The following PEPD variants were observed in gnomAD, a reference collection of about 807,000 sequenced individuals.
PEPD encodes xaa-Pro dipeptidase.
Under a neutral mutation model 60.7 loss-of-function variants are expected in PEPD, and 53 were observed. The ratio of observed to expected loss-of-function variants is 0.87; its 90% confidence interval spans 0.70 to 1.10. The LOEUF (loss-of-function observed/expected upper bound fraction) is 1.10, where lower values mean the gene tolerates loss of function less well. PEPD is among the 50% of genes least tolerant of loss of function. The probability of loss-of-function intolerance (pLI) is 0.00; values close to 1 mark genes in which losing one functional copy is unlikely to be tolerated. For missense variants in PEPD, 711 were observed against 711.9 expected, an observed-to-expected ratio of 1.00 and a Z score of 0.01; for synonymous variants, 267 against 284.1, an observed-to-expected ratio of 0.94 and a Z score of 0.60.
chr19:33,515,649 T>C (rs532329537), intron 1 of PEPD, among the ~76,000 whole-genome samples: 1 of 151,146 alleles, frequency 6.6e-6, no homozygotes, highest in Non-Finnish European at 1.5e-5. Context: ...CCCAACAGCT[T>C]AGGGGCAATG....
intron 6 of PEPD, among the ~76,000 whole-genome samples, chr19:33,486,633 G>A (rs1257651100): frequency 2.0e-5 from 3 of 152,158 alleles, no homozygotes; most frequent in African/African-American, 7.2e-5. Context: ...CACTCTTACT[G>A]CAGGCAGCAG....
intron 9 of PEPD, among the ~76,000 whole-genome samples, chr19:33,418,239 T>TGACGCAGC (rs1233019927): frequency 6.6e-6 from 1 of 152,262 alleles, no homozygotes; most frequent in Non-Finnish European, 1.5e-5. Context: ...ATTGCTGCGA[T>TGACGCAGC]ATTTTCTGGG....
chr19:33,492,666 C>A (rs146734022), intron 5 of PEPD, among the ~76,000 whole-genome samples: 12 of 152,286 alleles, frequency 7.9e-5, no homozygotes, highest in African/African-American at 2.6e-4. Flanking sequence ...ACCCATTAAA[C>A]TGACTTTCTA....
chr19:33,447,655 T>C (rs984640418), intron 9 of PEPD, among the ~76,000 whole-genome samples: 5 of 152,194 alleles, frequency 3.3e-5, no homozygotes, highest in African/African-American at 1.2e-4. Flanking sequence ...CAGAGGGAGC[T>C]GCGAGAGGAC....
In PEPD at chr19:33,401,875, G is replaced by T; in HGVS notation, c.819-6C>A. The T allele has an allele frequency of 6.2e-7, 1 of 1,612,788 alleles. No homozygotes were observed. The highest frequency in any genetic ancestry group is 8.5e-7 in the Non-Finnish European group (1 of 1,179,814). ...CACCGCCCATGTCGAACAGGCTGCG[G>T]AGAGAGGAAGGCAGGGCAAGTGGGT... On this transcript the variant is annotated splice_polypyrimidine_tract_variant and splice_region_variant and intron_variant, in intron 11 of 14. Coordinates refer to ENST00000244137, the MANE Select transcript of PEPD (RefSeq NM_000285.4).
chr19:33,519,755 C>T (rs55646747), intron 1 of PEPD, among the ~76,000 whole-genome samples: 3 of 152,128 alleles, frequency 2.0e-5, no homozygotes, highest in East Asian at 1.9e-4. Flanking sequence ...CCCAGAGAAT[C>T]GGTTCTGCTA....
In PEPD at chr19:33,413,610, G is replaced by A. The variant is rs1691163838; in HGVS notation, c.705C>T (p.Gly235=). ...TGCAGGTGTAGGAGCTGTGGCGCATGCCGCCCCGGGAGTAGCAGTAGTGCT... is the reference window on the plus strand; with the variant it reads ...TGCAGGTGTAGGAGCTGTGGCGCATACCGCCCCGGGAGTAGCAGTAGTGCT... The part of the protein sequence containing the change: ...LFEHYCYSRG[G]MRHSSYTCIC... Residue 235 remains glycine, a synonymous_variant, in exon 10 of 15, where the codon GGC becomes GGT. Coordinates refer to ENST00000244137, the MANE Select transcript of PEPD (RefSeq NM_000285.4). The A allele has an allele frequency of 1.9e-6, 3 of 1,588,274 alleles. No individual in the cohort carries two copies. Among genetic ancestry groups the A allele is most frequent in the Admixed American group, 3.5e-5 (2 of 56,944 alleles).
At chr19:33,404,063 G>A (rs1968561016) in intron 11 of PEPD, among the ~76,000 whole-genome samples, 1 of 152,224 alleles carries the variant, frequency 6.6e-6, no homozygotes, top group South Asian at 2.1e-4. Context: ...AGTCAGGAGG[G>A]TAAACAACTC....
intron 9 of PEPD, among the ~76,000 whole-genome samples, chr19:33,449,422 C>T (rs1033752536): frequency 1.5e-4 from 23 of 152,176 alleles, no homozygotes; most frequent in African/African-American, 5.3e-4. Context: ...AAAAGATCCA[C>T]CAGCCCATGT....
At chr19:33,485,990 G>A (rs181979230) in intron 6 of PEPD, among the ~76,000 whole-genome samples, 1 of 152,148 alleles carries the variant, frequency 6.6e-6, no homozygotes, top group Non-Finnish European at 1.5e-5. Context: ...TTGATGGACA[G>A]GCATCCCTCA....
Position 33,496,897 on chromosome 19 carries a change from G to A in PEPD, c.394-3560C>T, listed in dbSNP as rs536228595. ...AGGGCCCAGACCAGGCCCGAGGGCCGCTTTTCGCAGGGTGATAAGCTGGAC... is the reference window on the plus strand; with the variant it reads ...AGGGCCCAGACCAGGCCCGAGGGCCACTTTTCGCAGGGTGATAAGCTGGAC... On this transcript the variant is annotated intron_variant, in intron 4 of 14. Coordinates refer to ENST00000244137, the MANE Select transcript of PEPD (RefSeq NM_000285.4). 5.3e-5 allele frequency among the ~76,000 whole-genome samples: 8 copies of A among 152,356 alleles called. No individual in the cohort carries two copies. In the East Asian group the frequency reaches 9.7e-4, roughly 18 times the overall value.
chr19:33,459,088 C>T (rs1048052301), intron 9 of PEPD, among the ~76,000 whole-genome samples: 8 of 151,992 alleles, frequency 5.3e-5, no homozygotes, highest in Admixed American at 1.3e-4. Flanking sequence ...ACAGGAGCTG[C>T]GATTGAGGGC....
chr19:33,506,784 ACCC>A (rs200400364), intron 3 of PEPD, among the ~76,000 whole-genome samples: 3 of 139,056 alleles, frequency 2.2e-5, no homozygotes, highest in African/African-American at 5.5e-5. Context: ...CCACACACAC[ACCC>A]CATCACAAAC....
chr19:33,506,098 C>A (rs1174229133), intron 3 of PEPD, among the ~76,000 whole-genome samples: 1 of 142,592 alleles, frequency 7.0e-6, no homozygotes, highest in Non-Finnish European at 1.5e-5. Context: ...CCTCAGACAC[C>A]CACACACACC....
intron 3 of PEPD, among the ~76,000 whole-genome samples, chr19:33,505,500 G>A (rs11665716): frequency 0.16 from 23,733 of 151,938 alleles, 2,000 homozygotes; most frequent in Non-Finnish European, 0.19. Context: ...GGCAGCAGCC[G>A]AAGGAGCTCC....
At chr19:33,436,803 T>TA (rs1969386409) in intron 9 of PEPD, among the ~76,000 whole-genome samples, 1 of 152,184 alleles carries the variant, frequency 6.6e-6, no homozygotes, top group Non-Finnish European at 1.5e-5. Flanking sequence ...CCTAGCTCTC[T>TA]GGGTGCGAAG....
At chr19:33,390,205 A>C (rs1243263519) in intron 13 of PEPD, among the ~76,000 whole-genome samples, 1 of 152,260 alleles carries the variant, frequency 6.6e-6, no homozygotes, top group Non-Finnish European at 1.5e-5. Flanking sequence ...GCTTACTGGA[A>C]AAGATGAAAA....
At chr19:33,445,603 T>C (rs922165206) in intron 9 of PEPD, among the ~76,000 whole-genome samples, 1 of 152,232 alleles carries the variant, frequency 6.6e-6, no homozygotes, top group African/African-American at 2.4e-5. Flanking sequence ...GCCCTGCCGA[T>C]GCCTTGATCT....
intron 7 of PEPD, among the ~76,000 whole-genome samples, 184 bp downstream of exon 7, chr19:33,477,861 CA>C (rs907267650): frequency 1.3e-5 from 2 of 151,980 alleles, no homozygotes; most frequent in Non-Finnish European, 2.9e-5. Context: ...CACGTCCTTT[CA>C]AAAAAAGTAC....
Sources: gnomAD v4.1 joint callset for allele counts (sites outside exome capture counted in the v4.1 genomes callset) on GRCh38, gnomAD v4.1.1 for gene constraint, MANE v1.5 for transcripts, NCBI Gene and HGNC (gene_info 2026-07-23, HGNC 2026-07-21) for gene names.